Variants in TMEM178A observed in about 807,000 individuals in gnomAD.
The protein encoded by TMEM178A is transmembrane protein 178A.
TMEM178A carries 12 observed loss-of-function variants against 29.1 expected under a neutral mutation model. That is an observed-to-expected ratio of 0.41 (90% confidence interval 0.26 to 0.67). The LOEUF (loss-of-function observed/expected upper bound fraction) is 0.67, where lower values mean the gene tolerates loss of function less well. TMEM178A is among the 30% of genes least tolerant of loss of function. The pLI, the probability that TMEM178A is intolerant of heterozygous loss-of-function variation, is 0.29. For synonymous variants in TMEM178A, 210 were observed against 187.2 expected, an observed-to-expected ratio of 1.12 and a Z score of -0.99; for missense variants, 366 against 419.1, an observed-to-expected ratio of 0.87 and a Z score of 1.11.
chr2:39,735,576 C>T, the TMEM178A span, among the ~76,000 whole-genome samples: 1 of 152,182 alleles, frequency 6.6e-6, no homozygotes, highest in Non-Finnish European at 1.5e-5. Flanking sequence ...GGCCAGATAC[C>T]GAGTAACGAA....
rs116075130 is a variant in TMEM178A, at chr2:39,671,151, T to C, written c.400+4777T>C. ...AACAGATATCAAAGACAGTGGGTCA[T>C]AAATACTTTGTCATTTTGTTCTCTA... On this transcript the variant is annotated intron_variant, in intron 1 of 3. Transcript: ENST00000281961. Among the ~76,000 whole-genome samples, 518 of 152,310 alleles carry C rather than the reference T, an allele frequency of 3.4e-3. 4 individuals are homozygous for C. Among genetic ancestry groups the C allele is most frequent in the African/African-American group, 0.012 (501 of 41,564 alleles).
At chr2:39,728,511 G>GA in the TMEM178A span, among the ~76,000 whole-genome samples, 1 of 151,902 alleles carries the variant, frequency 6.6e-6, no homozygotes, top group Non-Finnish European at 1.5e-5. Flanking sequence ...TCTGGAGGAG[G>GA]AAAAAATGCT....
downstream of TMEM178A, among the ~76,000 whole-genome samples, chr2:39,722,003 A>T: frequency 6.6e-6 from 1 of 150,608 alleles, no homozygotes; most frequent in East Asian, 1.9e-4. Flanking sequence ...AAAAAAAAAA[A>T]AAAAAAAAAA....
intron 1 of TMEM178A, among the ~76,000 whole-genome samples, chr2:39,692,020 G>T (rs982715822): frequency 4.6e-5 from 7 of 152,040 alleles, no homozygotes; most frequent in Non-Finnish European, 8.8e-5. Flanking sequence ...TGACATGAAT[G>T]GACCTGGAAG....
chr2:39,684,859 T>C (rs1671007392), intron 1 of TMEM178A, among the ~76,000 whole-genome samples: 1 of 152,160 alleles, frequency 6.6e-6, no homozygotes, highest in Non-Finnish European at 1.5e-5. Flanking sequence ...TTCCTCTGTC[T>C]GGAACAGCCA....
rs1221189439 is a variant in TMEM178A, at chr2:39,712,006, A to ATTTTTTC, written c.652+4821_652+4822insTTTTTCT. 2.0e-5 allele frequency among the ~76,000 whole-genome samples: 3 copies of ATTTTTTC among 148,486 alleles called. No homozygotes were observed. In the Admixed American group the frequency reaches 2.0e-4, roughly 10 times the overall value. ...AGAGATTGCTTCAATCTTTCAGAAA[A>ATTTTTTC]TGATTGGATGCTTTTGGGATTTAGG... On this transcript the variant is annotated intron_variant, in intron 3 of 3. Coordinates refer to ENST00000281961, the MANE Select transcript of TMEM178A (RefSeq NM_152390.3).
At chr2:39,708,999 T>C (rs1672185368) in intron 3 of TMEM178A, among the ~76,000 whole-genome samples, 1 of 152,260 alleles carries the variant, frequency 6.6e-6, no homozygotes, top group African/African-American at 2.4e-5. Flanking sequence ...GATAGCCATT[T>C]TAAATAGGCT....
At chr2:39,706,688 A>C (rs761862926) in intron 2 of TMEM178A, among the ~76,000 whole-genome samples, 7 of 151,962 alleles carry the variant, frequency 4.6e-5, no homozygotes, top group Non-Finnish European at 8.8e-5. Context: ...GTTAACCTAC[A>C]TTTCTATTGT....
intron 1 of TMEM178A, among the ~76,000 whole-genome samples, chr2:39,682,375 T>C (rs1049397105): frequency 4.6e-5 from 7 of 151,104 alleles, no homozygotes; most frequent in Non-Finnish European, 8.8e-5. Flanking sequence ...TGATGCAGTT[T>C]ACTATGTTTT....
chr2:39,728,455 C>A, the TMEM178A span, among the ~76,000 whole-genome samples: 4,145 of 152,112 alleles, frequency 0.027, 182 homozygotes, highest in African/African-American at 0.094. Context: ...CAATTTAGTT[C>A]AAAAAATATT....
chr2:39,705,722 G>A (rs2716681), intron 2 of TMEM178A, among the ~76,000 whole-genome samples: 90,488 of 152,094 alleles, frequency 0.59, 29,108 homozygotes, highest in African/African-American at 0.83. Flanking sequence ...CCATGAAGCC[G>A]CCCCTAAGCT....
chr2:39,729,725 G>A, the TMEM178A span, among the ~76,000 whole-genome samples: 1 of 152,118 alleles, frequency 6.6e-6, no homozygotes, highest in African/African-American at 2.4e-5. Context: ...TAAACTATGC[G>A]ATGGAAGTCT....
intron 3 of TMEM178A, among the ~76,000 whole-genome samples, chr2:39,709,196 G>T (rs1305031805): frequency 1.3e-5 from 2 of 152,206 alleles, no homozygotes; most frequent in Non-Finnish European, 2.9e-5. Flanking sequence ...TTGCCCTCTG[G>T]CATGTTCAAC....
intron 3 of TMEM178A, among the ~76,000 whole-genome samples, chr2:39,711,103 G>A (rs1672280506): frequency 6.6e-6 from 1 of 152,164 alleles, no homozygotes; most frequent in African/African-American, 2.4e-5. Context: ...TTTAGACTTT[G>A]GATGTCACAC....
chr2:39,727,399 A>C, the TMEM178A span, among the ~76,000 whole-genome samples: 1 of 152,198 alleles, frequency 6.6e-6, no homozygotes, highest in Non-Finnish European at 1.5e-5. Context: ...CACTAAAAAA[A>C]CTCACCTGGA....
chr2:39,732,347 G>A, the TMEM178A span, among the ~76,000 whole-genome samples: 1 of 152,172 alleles, frequency 6.6e-6, no homozygotes, highest in Non-Finnish European at 1.5e-5. Flanking sequence ...AGGGGTGAGT[G>A]TGGCAGGAAG....
intron 3 of TMEM178A, among the ~76,000 whole-genome samples, chr2:39,709,820 G>A (rs1672224348): frequency 6.6e-6 from 1 of 152,212 alleles, no homozygotes; most frequent in South Asian, 2.1e-4. Context: ...AGCCTCAGTA[G>A]GAGGAGTTTT....
intron 1 of TMEM178A, among the ~76,000 whole-genome samples, chr2:39,696,515 A>G (rs541023168): frequency 1.8e-4 from 28 of 152,268 alleles, no homozygotes; most frequent in African/African-American, 5.8e-4. Flanking sequence ...GGTATCTGCC[A>G]TTATTCTCCC....
At chr2:39,713,905 G>C (rs144013224) in intron 3 of TMEM178A, among the ~76,000 whole-genome samples, 1 of 152,144 alleles carries the variant, frequency 6.6e-6, no homozygotes, top group African/African-American at 2.4e-5. Flanking sequence ...TTTTTGTTTT[G>C]TTTTTTAAAA....
Sources: allele counts gnomAD v4.1 joint callset (sites outside exome capture counted in the v4.1 genomes callset), GRCh38; gene constraint gnomAD v4.1.1; transcripts MANE v1.5; gene names NCBI Gene and HGNC (gene_info 2026-07-23, HGNC 2026-07-21).